The following C1QTNF1 variants were observed in gnomAD, a reference collection of about 807,000 sequenced individuals.
C1QTNF1 encodes the protein C1q and TNF related 1, also known as complement C1q tumor necrosis factor-related protein 1.
Under a neutral mutation model 27.8 loss-of-function variants are expected in C1QTNF1, and 22 were observed. The observed-to-expected ratio is 0.79, with a 90% CI of 0.56 to 1.13. The LOEUF is 1.13. Ranked by LOEUF, C1QTNF1 falls within the 50% of genes most tolerant of loss-of-function variation. C1QTNF1 has a pLI of 0.00. For synonymous variants in C1QTNF1, 166 were observed against 154.3 expected (o/e 1.08, Z -0.56); for missense variants, 373 against 380.2 (o/e 0.98, Z 0.16).
chr17:79,043,212 ATG>A lies in C1QTNF1; in HGVS notation c.-14-734_-14-733del, dbSNP rs532829652. 79 of 443,910 alleles carry A rather than the reference ATG, an allele frequency of 1.8e-4. 1 individual carries two copies. Among genetic ancestry groups the A allele is most frequent in the South Asian group, 1.0e-3 (65 of 64,142 alleles). 27.5% of individuals were successfully genotyped at this position (443,910 alleles called of 1,614,324 possible). Reference sequence around the variant, plus strand: ...AAAAGTGTGCATGTGTGTGGATTGCATGTGTGTGTGAATCTGTGTGCATGTGA... The same window carrying A: ...AAAAGTGTGCATGTGTGTGGATTGCATGTGTGTGAATCTGTGTGCATGTGA... On this transcript the variant is annotated intron_variant, in intron 1 of 3. Coordinates refer to ENST00000579760, the MANE Select transcript of C1QTNF1 (RefSeq NM_030968.5).
chr17:79,047,294 G>T (rs1325801899), intron 3 of C1QTNF1: 3 of 394,970 alleles, frequency 7.6e-6, no homozygotes, highest in Non-Finnish European at 1.3e-5. Flanking sequence ...ATTGCTTCTG[G>T]GCGAAAATAG....
chr17:79,039,692 G>A (rs531547310), intron 1 of C1QTNF1, among the ~76,000 whole-genome samples: 1 of 151,996 alleles, frequency 6.6e-6, no homozygotes, highest in Admixed American at 6.6e-5. Context: ...ATCCTTCAAT[G>A]GTGCCAGGGT....
intron 1 of C1QTNF1, among the ~76,000 whole-genome samples, chr17:79,041,464 A>T (rs2072407138): frequency 3.9e-5 from 6 of 151,962 alleles, no homozygotes; most frequent in Admixed American, 3.9e-4. Flanking sequence ...CTCTGCGGGG[A>T]GCCCTTCAGA....
intron 1 of C1QTNF1, among the ~76,000 whole-genome samples, chr17:79,039,492 A>C (rs2072345370): frequency 6.6e-6 from 1 of 152,204 alleles, no homozygotes; most frequent in Admixed American, 6.5e-5. Context: ...GTCTCTACTA[A>C]AAATACAAAA....
intron 1 of C1QTNF1, among the ~76,000 whole-genome samples, chr17:79,028,227 ATGT>A (rs1400735721): frequency 2.0e-5 from 3 of 152,286 alleles, no homozygotes; most frequent in Admixed American, 1.3e-4. Context: ...GCTGGGTCAA[ATGT>A]TGTTCTTGGC....
At chr17:79,031,508 T>A (rs1337371592) in intron 1 of C1QTNF1, among the ~76,000 whole-genome samples, 2 of 152,048 alleles carry the variant, frequency 1.3e-5, no homozygotes, top group Non-Finnish European at 2.9e-5. Flanking sequence ...AGTGCAGTGG[T>A]GCTATTTCAC....
chr17:79,023,196 A>C (rs188926154), upstream of C1QTNF1: 6 of 152,390 alleles, frequency 3.9e-5, no homozygotes, highest in East Asian at 1.2e-3. Flanking sequence ...AAACAAAAAA[A>C]TCCAGCTGCA....
At chr17:79,039,746 C>T (rs946178857) in intron 1 of C1QTNF1, among the ~76,000 whole-genome samples, 12 of 151,250 alleles carry the variant, frequency 7.9e-5, no homozygotes, top group African/African-American at 2.2e-4. Context: ...CTTTTTAATG[C>T]GTTTTGTAGT....
intron 1 of C1QTNF1, among the ~76,000 whole-genome samples, chr17:79,039,262 C>A (rs2072338400): frequency 6.6e-6 from 1 of 152,222 alleles, no homozygotes; most frequent in Non-Finnish European, 1.5e-5. Context: ...GTGCTAATGG[C>A]ATCTGGTGGG....
At chr17:79,035,724 C>T (rs2072249319) in intron 1 of C1QTNF1, among the ~76,000 whole-genome samples, 1 of 152,220 alleles carries the variant, frequency 6.6e-6, no homozygotes, top group Non-Finnish European at 1.5e-5. Flanking sequence ...AGCCACCATA[C>T]CTGGCCTGAA....
In C1QTNF1 at chr17:79,047,598, C is replaced by A; in HGVS notation, c.356C>A (p.Ala119Glu). The change falls in exon 4 of 4, where the codon GCA (alanine) becomes GAA (glutamate). Residue 119 changes from alanine (A) to glutamate (E), a missense_variant. Physicochemically the swap from Ala to Glu is moderately radical, Grantham distance 107 (BLOSUM62 -1). Transcript: ENST00000579760. The stretch of plus-strand genomic sequence containing the variant: ...GGGAAATATGGCAAAACAGGCTCAG[C>A]AGGGGCCAGGGGCCACACTGGACCC... ...LQGKYGKTGSAGARGHTGPKG... is the reference protein window; with the variant it reads ...LQGKYGKTGSEGARGHTGPKG... 6.4e-7 allele frequency: 1 copy of A among 1,552,822 alleles called. No homozygotes were observed.
chr17:79,043,830 C>A, intron 1 of C1QTNF1, 125 bp from the exon 2 acceptor site: 2 of 997,934 alleles, frequency 2.0e-6, no homozygotes, highest in African/African-American at 1.6e-5. Flanking sequence ...CAGCATTTCC[C>A]AGTGGCGTGA....
At chr17:79,025,993 AATT>A (rs1488524342) in intron 1 of C1QTNF1, 4 of 279,332 alleles carry the variant, frequency 1.4e-5, no homozygotes, top group Admixed American at 3.9e-5. Context: ...TAATTATAAT[AATT>A]ATTATAATAG....
intron 1 of C1QTNF1, among the ~76,000 whole-genome samples, chr17:79,039,059 C>T (rs995410886): frequency 5.6e-5 from 8 of 142,940 alleles, no homozygotes; most frequent in African/African-American, 2.0e-4. Flanking sequence ...GTGACAGCAT[C>T]GTTCCTAACC....
rs2072680502 is a variant in C1QTNF1, at chr17:79,049,007, T to G, written c.*919T>G. ...CTTTCTGTGCCGCCTCCCACACAAA[T>G]CAGCCCCAGAAGGCCCCGGGGCCTT... is the stretch of plus-strand genomic sequence containing the variant. On this transcript the variant is annotated 3_prime_UTR_variant, in exon 4 of 4. Transcript: ENST00000579760. This position sits in a 1 kb window ranked among gnomAD's most constrained non-coding sequence, Gnocchi z 4.4. 1 of 152,086 alleles carries G rather than the reference T, an allele frequency of 6.6e-6. No homozygotes were observed. The highest frequency in any genetic ancestry group is 1.9e-4 in the East Asian group (1 of 5,150). The allele number at this position is 152,086 out of a possible 1,614,324, so 9.4% of individuals were successfully genotyped here. A position where few individuals can be genotyped will look rare whatever the true frequency, so the allele number is the denominator to read the frequency against.
Position 79,046,633 on chromosome 17 carries a change from C to T in C1QTNF1, c.234C>T (p.Asp78=). 1 of 1,614,238 alleles carries T rather than the reference C, an allele frequency of 6.2e-7. No individual in the cohort carries two copies. Among genetic ancestry groups the T allele is most frequent in the East Asian group, 2.2e-5 (1 of 44,882 alleles). Residue 78 remains aspartate (D), a synonymous_variant, in exon 3 of 4, where the codon GAC becomes GAT. Transcript: ENST00000579760. The surrounding 1 kb of genome is among the most constrained non-coding windows in gnomAD (Gnocchi z 4.8). ...CTTCCCGGTGCTTGCGCTGCTGTGA[C>T]CCCGGTACCTCCATGTACCCGGCGA... ...LPASRCLRCC[D]PGTSMYPATA...
chr17:79,038,155 A>C (rs1447528046), intron 1 of C1QTNF1, among the ~76,000 whole-genome samples: 2 of 151,748 alleles, frequency 1.3e-5, no homozygotes, highest in Non-Finnish European at 2.9e-5. Flanking sequence ...ACGCCCAGCT[A>C]ATTTTTGTAT....
chr17:79,041,707 G>A (rs1333561353), intron 1 of C1QTNF1: 2 of 150,784 alleles, frequency 1.3e-5, no homozygotes, highest in Non-Finnish European at 1.5e-5. Context: ...GAACCTAGGA[G>A]GCGGAGTGAG....
At chr17:79,039,524 A>G (rs1262000558) in intron 1 of C1QTNF1, among the ~76,000 whole-genome samples, 1 of 152,174 alleles carries the variant, frequency 6.6e-6, no homozygotes, top group Admixed American at 6.5e-5. Context: ...GTGGAGGCAC[A>G]CGCATATAAT....
Sources: allele counts gnomAD v4.1 joint callset (sites outside exome capture counted in the v4.1 genomes callset), GRCh38; gene constraint gnomAD v4.1.1; non-coding constraint Gnocchi (gnomAD v3.1); transcripts MANE v1.5; gene names NCBI Gene and HGNC (gene_info 2026-07-23, HGNC 2026-07-21).